OTUD7A: variants seen among roughly 807,000 people sequenced by gnomAD.
OTUD7A encodes OTU deubiquitinase 7A.
OTUD7A carries 12 observed loss-of-function variants against 65.7 expected under a neutral mutation model. The observed-to-expected ratio is 0.18, with a 90% CI of 0.12 to 0.30. The LOEUF is 0.30. Ranked by LOEUF, OTUD7A falls within the 10% of genes least tolerant of loss-of-function variation. The pLI, the probability that OTUD7A is intolerant of heterozygous loss-of-function variation, is 1.00. For missense variants in OTUD7A, 1,148 were observed against 1,304.8 expected (o/e 0.88, Z 1.85); for synonymous variants, 641 against 586.3 (o/e 1.09, Z -1.35).
At chr15:31,583,152 T>G (rs141850945) in intron 3 of OTUD7A, among the ~76,000 whole-genome samples, 70 of 152,342 alleles carry the variant, frequency 4.6e-4, no homozygotes, top group African/African-American at 1.6e-3. Context: ...GCACCACCAC[T>G]GCCTTTCTCC....
chr15:31,767,297 T>C, intron 1 of OTUD7A: 1 of 824,066 alleles, frequency 1.2e-6, no homozygotes, highest in Non-Finnish European at 2.1e-6. Flanking sequence ...GAAACAAAAA[T>C]GAAGATGCAA....
In OTUD7A at chr15:31,487,291, G is replaced by A. The variant is rs1566879814; in HGVS notation, c.1287-13C>T. On this transcript the variant is annotated splice_polypyrimidine_tract_variant and intron_variant, in intron 11 of 12. Transcript: ENST00000307050. This position sits in a 1 kb window ranked among gnomAD's most constrained non-coding sequence, Gnocchi z 6.0. ...CGACAGGATAAGGCTGGCAAGAGAAGAATATCCTATTGAAATGGTCTGAGC... is the reference window on the plus strand; with the variant it reads ...CGACAGGATAAGGCTGGCAAGAGAAAAATATCCTATTGAAATGGTCTGAGC... The A allele has an allele frequency of 6.2e-7, 1 of 1,613,456 alleles. No homozygotes were observed. The highest frequency in any genetic ancestry group is 1.7e-5 in the Admixed American group (1 of 60,020).
intron 3 of OTUD7A, among the ~76,000 whole-genome samples, chr15:31,579,718 A>G (rs1020195251): frequency 2.0e-5 from 3 of 152,224 alleles, no homozygotes; most frequent in African/African-American, 7.2e-5. Context: ...ATATGTATAT[A>G]TGCACATGTA....
intron 1 of OTUD7A, among the ~76,000 whole-genome samples, chr15:31,676,686 A>T (rs1384123326): frequency 2.0e-5 from 3 of 152,170 alleles, no homozygotes; most frequent in Admixed American, 6.5e-5. Context: ...GTGAAATTAA[A>T]CATCTCCAAC....
intron 1 of OTUD7A, among the ~76,000 whole-genome samples, chr15:31,768,411 C>G (rs1895144818): frequency 6.6e-6 from 1 of 152,186 alleles, no homozygotes; most frequent in Non-Finnish European, 1.5e-5. Flanking sequence ...GTAATCCTAG[C>G]ACTTGGGGAG....
intron 1 of OTUD7A, among the ~76,000 whole-genome samples, chr15:31,727,073 G>C (rs35859210): frequency 7.9e-5 from 12 of 152,176 alleles, no homozygotes; most frequent in Non-Finnish European, 1.8e-4. Flanking sequence ...CAGGTGCTAG[G>C]TCCAAGCGCT....
At chr15:31,745,221 C>A (rs1304739749) in intron 1 of OTUD7A, among the ~76,000 whole-genome samples, 1 of 151,814 alleles carries the variant, frequency 6.6e-6, no homozygotes. Context: ...AATAAAAATA[C>A]AATTGATCTA....
rs140199760 is a variant in OTUD7A at position 31,805,066 on chromosome 15, G to C, written c.-100+65441C>G. 9.7e-3 allele frequency among the ~76,000 whole-genome samples: 1,482 copies of C among 152,266 alleles called. 7 individuals are homozygous for C. Among genetic ancestry groups the C allele is most frequent in the Non-Finnish European group, 0.017 (1,127 of 68,008 alleles). On this transcript the variant is annotated intron_variant, in intron 1 of 12. Coordinates refer to ENST00000307050, the MANE Select transcript of OTUD7A (RefSeq NM_001382637.1). ...GGCATCTTGAACAAAGAACAGCCAG[G>C]AGCCATCCTTGGCCTTTTCTTGCCC...
rs143695396 is a variant in OTUD7A at position 31,657,759 on chromosome 15, T to C, written c.-99-682A>G. Reference sequence around the variant, plus strand: ...GGAGGGACTGGGCTGGTGGGGACATTTGACCCCAGCTACCTGGGCCATCCT... The same window carrying C: ...GGAGGGACTGGGCTGGTGGGGACATCTGACCCCAGCTACCTGGGCCATCCT... On this transcript the variant is annotated intron_variant, in intron 1 of 12. Transcript: ENST00000307050. 1.4e-3 allele frequency among the ~76,000 whole-genome samples: 211 copies of C among 152,244 alleles called. 1 individual carries two copies. Among genetic ancestry groups the C allele is most frequent in the African/African-American group, 4.9e-3 (204 of 41,550 alleles).
intron 1 of OTUD7A, among the ~76,000 whole-genome samples, chr15:31,673,792 C>G (rs1211191069): frequency 6.6e-6 from 1 of 152,186 alleles, no homozygotes; most frequent in Non-Finnish European, 1.5e-5. Context: ...TTTTCCTGGC[C>G]TGCCATTGTC....
chr15:31,746,484 A>C (rs1269870177), intron 1 of OTUD7A, among the ~76,000 whole-genome samples: 1 of 150,930 alleles, frequency 6.6e-6, no homozygotes, highest in Non-Finnish European at 1.5e-5. Flanking sequence ...AAGGTAAATC[A>C]AACTCCATAG....
At chr15:31,490,779 G>A (rs1401640441) in intron 10 of OTUD7A, among the ~76,000 whole-genome samples, 9 of 152,224 alleles carry the variant, frequency 5.9e-5, no homozygotes, top group African/African-American at 1.7e-4. Context: ...ACTGGCAGGA[G>A]TTCTAAGAGA....
intron 1 of OTUD7A, among the ~76,000 whole-genome samples, chr15:31,753,713 T>TAACCTGTG (rs1894720148): frequency 2.6e-5 from 3 of 114,630 alleles, no homozygotes; most frequent in African/African-American, 1.4e-4. Context: ...TATATATATA[T>TAACCTGTG]ATATATATTA....
intron 3 of OTUD7A, among the ~76,000 whole-genome samples, chr15:31,616,154 CTT>C (rs1890579375): frequency 6.6e-6 from 1 of 152,242 alleles, no homozygotes; most frequent in African/African-American, 2.4e-5. Context: ...CACTCCATCC[CTT>C]TTGTTTCAGT....
At chr15:31,570,826 C>G (rs989578704) in intron 3 of OTUD7A, among the ~76,000 whole-genome samples, 1 of 152,184 alleles carries the variant, frequency 6.6e-6, no homozygotes, top group South Asian at 2.1e-4. Context: ...ACTGGCACTT[C>G]GCAGCACTAG....
At chr15:31,571,124 A>T (rs1889041761) in intron 3 of OTUD7A, among the ~76,000 whole-genome samples, 1 of 152,180 alleles carries the variant, frequency 6.6e-6, no homozygotes, top group Admixed American at 6.5e-5. Flanking sequence ...GTAGGCTGGT[A>T]TCAAAATATC....
At chr15:31,805,454 G>A (rs553139595) in intron 1 of OTUD7A, among the ~76,000 whole-genome samples, 2 of 152,300 alleles carry the variant, frequency 1.3e-5, no homozygotes, top group Non-Finnish European at 2.9e-5. Flanking sequence ...GGCCTGACGC[G>A]TGAACCCTCT....
chr15:31,763,456 G>C (rs1056990634), intron 1 of OTUD7A, among the ~76,000 whole-genome samples: 3 of 152,130 alleles, frequency 2.0e-5, no homozygotes, highest in African/African-American at 2.4e-5. Context: ...AAAGTCACTG[G>C]ACTTGAAGAG....
chr15:31,657,625 T>C (rs1334031301), intron 1 of OTUD7A, among the ~76,000 whole-genome samples: 1 of 151,938 alleles, frequency 6.6e-6, no homozygotes, highest in Non-Finnish European at 1.5e-5. Flanking sequence ...CCTCCCAGAG[T>C]GCTGGGATTG....
Sources: gnomAD v4.1 joint callset for allele counts (sites outside exome capture counted in the v4.1 genomes callset) on GRCh38, gnomAD v4.1.1 for gene constraint, Gnocchi (gnomAD v3.1) non-coding constraint, MANE v1.5 for transcripts, NCBI Gene and HGNC (gene_info 2026-07-23, HGNC 2026-07-21) for gene names.